Variants in FCHSD2 observed in about 807,000 individuals in gnomAD.
FCHSD2 encodes the protein FCH and double SH3 domains 2.
Under a neutral mutation model 108.1 loss-of-function variants are expected in FCHSD2, and 38 were observed. The observed-to-expected ratio is 0.35, with a 90% confidence interval of 0.27 to 0.46. The LOEUF (loss-of-function observed/expected upper bound fraction) is 0.46, where lower values mean the gene tolerates loss of function less well. Among genes scored for constraint, FCHSD2 ranks in the 20% least tolerant of loss-of-function variants. The pLI, the probability that FCHSD2 is intolerant of heterozygous loss-of-function variation, is 1.00. For synonymous variants in FCHSD2, 279 were observed against 314.7 expected (o/e 0.89, Z 1.20); for missense variants, 751 against 897.8 (o/e 0.84, Z 2.09).
chr11:73,054,957 A>C (rs190483440), intron 3 of FCHSD2, among the ~76,000 whole-genome samples: 125 of 152,224 alleles, frequency 8.2e-4, no homozygotes, highest in Admixed American at 6.9e-3. Flanking sequence ...ATAAAGACAT[A>C]CTTGAGACTG....
intron 2 of FCHSD2, among the ~76,000 whole-genome samples, chr11:73,090,145 T>C (rs990734155): frequency 1.3e-5 from 2 of 151,274 alleles, no homozygotes; most frequent in South Asian, 2.1e-4. Flanking sequence ...AAACAAAAAA[T>C]GTACAGAATA....
At chr11:72,956,314 T>C (rs1333116834) in intron 8 of FCHSD2, among the ~76,000 whole-genome samples, 1 of 152,016 alleles carries the variant, frequency 6.6e-6, no homozygotes, top group African/African-American at 2.4e-5. Flanking sequence ...AAACCACCAT[T>C]TGGCAACCAT....
At chr11:73,100,005 C>T (rs1162933277) in intron 2 of FCHSD2, among the ~76,000 whole-genome samples, 2 of 152,222 alleles carry the variant, frequency 1.3e-5, no homozygotes, top group Non-Finnish European at 2.9e-5. Context: ...CATTTAAGTG[C>T]TAATCTTCAA....
At chr11:73,010,952 T>C (rs1857849183) in intron 4 of FCHSD2, among the ~76,000 whole-genome samples, 1 of 151,910 alleles carries the variant, frequency 6.6e-6, no homozygotes, top group African/African-American at 2.4e-5. Flanking sequence ...TCTTGAGCAG[T>C]GTATGCTGGT....
At chr11:73,055,591 T>C (rs1352476166) in intron 3 of FCHSD2, among the ~76,000 whole-genome samples, 1 of 152,224 alleles carries the variant, frequency 6.6e-6, no homozygotes, top group East Asian at 1.9e-4. Flanking sequence ...ATTAAGATTT[T>C]ATGCATATTT....
Position 72,847,036 on chromosome 11 carries a change from A to AT in FCHSD2, c.1443+2718_1443+2719insA, listed in dbSNP as rs1484344036. On this transcript the variant is annotated intron_variant, in intron 14 of 19. Transcript: ENST00000409418. ...TTTAGAGGCAGGGTCTCACTCTGTCACTCAGGCTGGAGTGCAGTGGTGTAA... is the reference window on the plus strand; with the variant it reads ...TTTAGAGGCAGGGTCTCACTCTGTCATCTCAGGCTGGAGTGCAGTGGTGTAA... Among the ~76,000 whole-genome samples the AT allele has an allele frequency of 2.6e-5, 4 of 152,216 alleles. No homozygotes were observed. The East Asian group carries it at 7.7e-4, about 29-fold the overall frequency.
intron 2 of FCHSD2, among the ~76,000 whole-genome samples, chr11:73,100,212 T>C (rs1475035195): frequency 1.3e-5 from 2 of 152,186 alleles, no homozygotes; most frequent in Non-Finnish European, 1.5e-5. Flanking sequence ...CACCAAAATG[T>C]ACCAAGGACC....
chr11:72,995,475 C>A (rs1459286958), intron 5 of FCHSD2, among the ~76,000 whole-genome samples: 3 of 151,704 alleles, frequency 2.0e-5, no homozygotes, highest in Non-Finnish European at 4.4e-5. Context: ...GCTGAGGCGG[C>A]CAGATATCTT....
At chr11:72,984,522 A>G (rs1435211982) in intron 7 of FCHSD2, among the ~76,000 whole-genome samples, 1 of 152,180 alleles carries the variant, frequency 6.6e-6, no homozygotes, top group Non-Finnish European at 1.5e-5. Flanking sequence ...TGAAATAAGT[A>G]CCTTATCTTC....
rs574562461 is a variant in FCHSD2, at chr11:73,028,052, G to A, written c.166-12167C>T. ...AGCCCTCATGGAGAACCTCTTCTAG[G>A]GCACTACAGAGGGGAAATGTGGGGT... On this transcript the variant is annotated intron_variant, in intron 3 of 19. Coordinates refer to ENST00000409418, the MANE Select transcript of FCHSD2 (RefSeq NM_014824.3). Among the ~76,000 whole-genome samples the A allele has an allele frequency of 1.1e-3, 165 of 152,334 alleles. 1 individual carries two copies. The highest frequency in any genetic ancestry group is 3.4e-3 in the Middle Eastern group (1 of 294).
chr11:73,018,130 T>A (rs1858014742), intron 3 of FCHSD2, among the ~76,000 whole-genome samples: 1 of 152,328 alleles, frequency 6.6e-6, no homozygotes, highest in East Asian at 1.9e-4. Context: ...GATGCTCAAA[T>A]TGTCACATCT....
chr11:72,972,015 T>C (rs1420012807), intron 8 of FCHSD2, among the ~76,000 whole-genome samples: 1 of 152,216 alleles, frequency 6.6e-6, no homozygotes, highest in Non-Finnish European at 1.5e-5. Context: ...TATTTTAAAA[T>C]AGATGCATCT....
chr11:72,970,836 C>G (rs962807347), intron 8 of FCHSD2, among the ~76,000 whole-genome samples: 1 of 152,192 alleles, frequency 6.6e-6, no homozygotes, highest in African/African-American at 2.4e-5. Flanking sequence ...AAACATACCC[C>G]TAACCCCCAC....
intron 3 of FCHSD2, among the ~76,000 whole-genome samples, chr11:73,071,888 C>G (rs747983595): frequency 2.0e-5 from 3 of 151,942 alleles, no homozygotes; most frequent in Non-Finnish European, 1.5e-5. Context: ...TAGAACAGTG[C>G]CTGACACATG....
intron 4 of FCHSD2, among the ~76,000 whole-genome samples, chr11:73,004,145 A>G (rs2135421168): frequency 6.7e-6 from 1 of 149,202 alleles, no homozygotes; most frequent in East Asian, 2.0e-4. Context: ...AAGGATATCA[A>G]GCATATACGG....
At chr11:73,059,698 A>C (rs1859116078) in intron 3 of FCHSD2, among the ~76,000 whole-genome samples, 1 of 152,082 alleles carries the variant, frequency 6.6e-6, no homozygotes, top group Non-Finnish European at 1.5e-5. Flanking sequence ...TTTTACTAAA[A>C]ATTTTCTGTG....
chr11:73,133,711 T>A (rs1861055459), intron 2 of FCHSD2, among the ~76,000 whole-genome samples: 1 of 143,414 alleles, frequency 7.0e-6, no homozygotes, highest in African/African-American at 2.6e-5. Context: ...CAGAATTGCA[T>A]GAACCCAGGA....
chr11:72,942,159 A>C (rs1856432129), intron 8 of FCHSD2, among the ~76,000 whole-genome samples: 1 of 152,170 alleles, frequency 6.6e-6, no homozygotes, highest in Non-Finnish European at 1.5e-5. Flanking sequence ...CCTCACAGTA[A>C]TGAGAGCGTT....
chr11:73,070,467 A>G (rs533016520), intron 3 of FCHSD2, among the ~76,000 whole-genome samples: 8 of 152,198 alleles, frequency 5.3e-5, no homozygotes, highest in Non-Finnish European at 1.2e-4. Context: ...TCTGTCGCCC[A>G]GGCTGGAGTG....
Sources: allele counts gnomAD v4.1 joint callset (sites outside exome capture counted in the v4.1 genomes callset), GRCh38; gene constraint gnomAD v4.1.1; transcripts MANE v1.5; gene names NCBI Gene and HGNC (gene_info 2026-07-23, HGNC 2026-07-21).